The following CD1B variants were observed in gnomAD, a reference collection of about 807,000 sequenced individuals.
CD1B encodes CD1b molecule.
In CD1B, 43 loss-of-function variants were observed where a neutral mutation model predicts 39.8. That is an observed-to-expected ratio of 1.08 (90% CI 0.85 to 1.39). The LOEUF (loss-of-function observed/expected upper bound fraction) is 1.39. CD1B is among the 40% of genes most tolerant of loss of function. CD1B has a pLI of 0.00. For synonymous variants in CD1B, 192 were observed against 152.5 expected (o/e 1.26, Z -1.91); for missense variants, 495 against 403.8 (o/e 1.23, Z -1.94).
chr1:158,313,804 C>T, the CD1B span, among the ~76,000 whole-genome samples: 2 of 152,086 alleles, frequency 1.3e-5, no homozygotes, highest in East Asian at 3.9e-4. Flanking sequence ...CCTGTGCTTT[C>T]TTTAATGGGA....
At chr1:158,295,985 C>T in the CD1B span, among the ~76,000 whole-genome samples, 1,872 of 152,200 alleles carry the variant, frequency 0.012, 38 homozygotes, top group African/African-American at 0.04. Flanking sequence ...AGCCTACATG[C>T]GTGCATGTAC....
the CD1B span, among the ~76,000 whole-genome samples, chr1:158,313,195 T>A: frequency 5.9e-5 from 9 of 152,366 alleles, no homozygotes; most frequent in Admixed American, 3.9e-4. Flanking sequence ...CTGGAATGAA[T>A]GCCACTTGAT....
chr1:158,305,736 G>A, the CD1B span, among the ~76,000 whole-genome samples: 1 of 152,230 alleles, frequency 6.6e-6, no homozygotes, highest in Non-Finnish European at 1.5e-5. Context: ...TGATCTCTCA[G>A]CAGAAACTCT....
chr1:158,287,767 A>G, the CD1B span, among the ~76,000 whole-genome samples: 1 of 152,244 alleles, frequency 6.6e-6, no homozygotes, highest in Admixed American at 6.5e-5. Flanking sequence ...GCAGTTATAA[A>G]TAAACTTTAG....
At chr1:158,309,763 C>A in the CD1B span, among the ~76,000 whole-genome samples, 1 of 149,740 alleles carries the variant, frequency 6.7e-6, no homozygotes, top group Non-Finnish European at 1.5e-5. Context: ...TTCTCACTCA[C>A]CGGTGGGAAT....
chr1:158,301,824 G>A, the CD1B span, among the ~76,000 whole-genome samples: 10 of 152,242 alleles, frequency 6.6e-5, no homozygotes, highest in East Asian at 1.2e-3. Context: ...GAATTTGAAT[G>A]TTGGCCTGCC....
chr1:158,297,504 G>A, the CD1B span, among the ~76,000 whole-genome samples: 3 of 152,118 alleles, frequency 2.0e-5, no homozygotes, highest in Non-Finnish European at 4.4e-5. Flanking sequence ...TAAGTAAACA[G>A]ACCAGTGACA....
At chr1:158,293,410 A>G in the CD1B span, 3 of 1,608,284 alleles carry the variant, frequency 1.9e-6, no homozygotes, top group Admixed American at 5.0e-5. Context: ...CTCAGTTACC[A>G]CCTCCAACTT....
chr1:158,309,036 G>A, the CD1B span, among the ~76,000 whole-genome samples: 1 of 152,124 alleles, frequency 6.6e-6, no homozygotes. Flanking sequence ...CCATCAGAGT[G>A]AACAGGCAAC....
the CD1B span, among the ~76,000 whole-genome samples, chr1:158,321,668 G>C: frequency 6.6e-6 from 1 of 152,060 alleles, no homozygotes; most frequent in Admixed American, 6.6e-5. Context: ...TTTATCTTTA[G>C]TGTATCTATT....
the CD1B span, among the ~76,000 whole-genome samples, chr1:158,308,748 T>C: frequency 4.8e-3 from 738 of 152,290 alleles, 5 homozygotes; most frequent in Middle Eastern, 0.017. Flanking sequence ...CCCTATTTAA[T>C]AAATGGTGCT....
At chr1:158,310,288 A>G in the CD1B span, among the ~76,000 whole-genome samples, 1,875 of 152,208 alleles carry the variant, frequency 0.012, 38 homozygotes, top group African/African-American at 0.04. Flanking sequence ...GAAAATTTAC[A>G]TCTTCCTTTC....
At chr1:158,289,859 A>G in the CD1B span, 7 of 513,098 alleles carry the variant, frequency 1.4e-5, no homozygotes, top group Non-Finnish European at 2.4e-5. Context: ...AGAAGAGAAT[A>G]ACTTTAGTTC....
downstream of CD1B, among the ~76,000 whole-genome samples, chr1:158,326,013 A>C (rs1327648767): frequency 6.6e-6 from 1 of 152,136 alleles, no homozygotes; most frequent in East Asian, 1.9e-4. Context: ...TCTGTTGCCC[A>C]AGCTGGAGTG....
chr1:158,285,783 A>C, the CD1B span, among the ~76,000 whole-genome samples: 1 of 152,092 alleles, frequency 6.6e-6, no homozygotes, highest in Non-Finnish European at 1.5e-5. Context: ...TGCAGAGGGC[A>C]GAGGGTGGAG....
the CD1B span, among the ~76,000 whole-genome samples, chr1:158,311,262 A>G: frequency 3.3e-5 from 5 of 152,010 alleles, no homozygotes; most frequent in Admixed American, 2.6e-4. Flanking sequence ...TTTGATTTGC[A>G]TTTCCCTACT....
the CD1B span, among the ~76,000 whole-genome samples, chr1:158,309,063 A>T: frequency 1.3e-5 from 2 of 152,224 alleles, no homozygotes; most frequent in African/African-American, 4.8e-5. Flanking sequence ...AATGGGAGAA[A>T]ACTTTTGCAA....
At chr1:158,291,399 A>G in the CD1B span, 6 of 1,613,096 alleles carry the variant, frequency 3.7e-6, no homozygotes, top group South Asian at 1.1e-5. Flanking sequence ...ATTACTCGAA[A>G]TGTAAGTTCA....
At chr1:158,305,043 A>G in the CD1B span, among the ~76,000 whole-genome samples, 3 of 152,344 alleles carry the variant, frequency 2.0e-5, no homozygotes, top group African/African-American at 7.2e-5. Flanking sequence ...TCCTCCTCCA[A>G]GGGAACGCAG....
Sources: allele counts gnomAD v4.1 joint callset (sites outside exome capture counted in the v4.1 genomes callset), GRCh38; gene constraint gnomAD v4.1.1; transcripts MANE v1.5; gene names NCBI Gene and HGNC (gene_info 2026-07-23, HGNC 2026-07-21).